Variants in ANKS1B observed in about 807,000 individuals in gnomAD.
The protein encoded by ANKS1B is ankyrin repeat and sterile alpha motif domain containing 1B.
In ANKS1B, 36 loss-of-function variants were observed where a neutral mutation model predicts 148.3. The observed-to-expected ratio is 0.24, with a 90% CI of 0.19 to 0.32. The LOEUF (loss-of-function observed/expected upper bound fraction) is 0.32, where lower values mean the gene tolerates loss of function less well. Ranked by LOEUF, ANKS1B falls within the 10% of genes least tolerant of loss-of-function variation. The probability of loss-of-function intolerance (pLI) is 1.00; values close to 1 mark genes in which losing one functional copy is unlikely to be tolerated. For missense variants in ANKS1B, 1,157 were observed against 1,542.6 expected, an observed-to-expected ratio of 0.75 and a Z score of 4.19; for synonymous variants, 542 against 560.8, an observed-to-expected ratio of 0.97 and a Z score of 0.47.
intron 15 of ANKS1B, among the ~76,000 whole-genome samples, chr12:99,147,467 GA>G (rs2073529056): frequency 1.3e-5 from 2 of 152,112 alleles, no homozygotes; most frequent in South Asian, 4.1e-4. Context: ...AAGGATTTTA[GA>G]AATGCCCTAT....
At position 99,859,829 on chromosome 12, in the gene ANKS1B, G is replaced by A. The variant is rs530892690; in HGVS notation, c.135-34440C>T. On this transcript the variant is annotated intron_variant, in intron 1 of 26. Transcript: ENST00000683438. The stretch of plus-strand genomic sequence containing the variant: ...GCCTGGCTAATTTTTATATGTTTTA[G>A]TAGATACAGGGTTTCATCATGTTGG... Among the ~76,000 whole-genome samples, 192 of 152,150 alleles carry A rather than the reference G, an allele frequency of 1.3e-3. 3 individuals carry two copies. Among genetic ancestry groups the A allele is most frequent in the African/African-American group, 4.4e-3 (181 of 41,530 alleles).
chr12:99,677,956 G>T (rs1020455476), intron 8 of ANKS1B, among the ~76,000 whole-genome samples: 2 of 152,148 alleles, frequency 1.3e-5, no homozygotes, highest in African/African-American at 4.8e-5. Flanking sequence ...ATGGACAACA[G>T]AGCAAGACTC....
At chr12:99,945,948 C>A (rs2095050092) in intron 1 of ANKS1B, among the ~76,000 whole-genome samples, 1 of 152,146 alleles carries the variant, frequency 6.6e-6, no homozygotes, top group African/African-American at 2.4e-5. Context: ...CCTGCCATGG[C>A]AATCACTTGT....
intron 17 of ANKS1B, among the ~76,000 whole-genome samples, chr12:98,999,555 C>T (rs892417948): frequency 1.3e-5 from 2 of 152,156 alleles, no homozygotes; most frequent in East Asian, 3.9e-4. Context: ...AAATACCAAA[C>T]TTTAGTAAAC....
intron 25 of ANKS1B, among the ~76,000 whole-genome samples, chr12:98,764,619 T>G (rs761693593): frequency 1.3e-5 from 2 of 152,254 alleles, no homozygotes; most frequent in African/African-American, 4.8e-5. Flanking sequence ...CTTTCTCAAA[T>G]GGATATGCCT....
chr12:99,388,515 C>T (rs1593713431), intron 12 of ANKS1B, among the ~76,000 whole-genome samples: 1 of 152,152 alleles, frequency 6.6e-6, no homozygotes. Context: ...GAGGGACAGA[C>T]ACTCTCTTTC....
chr12:99,812,558 C>CACAG (rs1491407773), intron 2 of ANKS1B, among the ~76,000 whole-genome samples: 40 of 73,710 alleles, frequency 5.4e-4, no homozygotes, highest in South Asian at 1.2e-3. Context: ...CACACACACA[C>CACAG]AGAGAGAGAG....
chr12:99,599,082 G>A (rs147338785), intron 9 of ANKS1B, among the ~76,000 whole-genome samples: 301 of 151,880 alleles, frequency 2.0e-3, no homozygotes, highest in African/African-American at 6.9e-3. Flanking sequence ...ATCTCCCTCT[G>A]TCTCCTTCTT....
intron 8 of ANKS1B, among the ~76,000 whole-genome samples, chr12:99,739,378 T>TAA (rs201318107): frequency 8.6e-6 from 1 of 115,894 alleles, no homozygotes; most frequent in Non-Finnish European, 1.8e-5. Context: ...TACTCAAAGC[T>TAA]AAAAAAAAAC....
chr12:99,648,029 C>T, intron 9 of ANKS1B: 1 of 1,126,646 alleles, frequency 8.9e-7, no homozygotes, highest in Non-Finnish European at 1.2e-6. Context: ...TCCCTGTTCT[C>T]AGTCACTTGG....
At chr12:99,908,446 G>T (rs1565975740) in intron 1 of ANKS1B, among the ~76,000 whole-genome samples, 1 of 152,084 alleles carries the variant, frequency 6.6e-6, no homozygotes, top group Non-Finnish European at 1.5e-5. Flanking sequence ...CAGGCGTGGT[G>T]ATGTGCACCC....
At chr12:99,687,849 T>A (rs151009457) in intron 8 of ANKS1B, among the ~76,000 whole-genome samples, 5 of 152,340 alleles carry the variant, frequency 3.3e-5, no homozygotes, top group African/African-American at 1.2e-4. Flanking sequence ...AGGTTATGGC[T>A]TCTTTACACA....
At chr12:99,526,933 T>C (rs1229911253) in intron 9 of ANKS1B, among the ~76,000 whole-genome samples, 1 of 152,142 alleles carries the variant, frequency 6.6e-6, no homozygotes, top group Non-Finnish European at 1.5e-5. Context: ...AGTGTCGTTA[T>C]AAAAAGAAGA....
At chr12:99,849,814 G>T (rs545853756) in intron 1 of ANKS1B, among the ~76,000 whole-genome samples, 283 of 152,190 alleles carry the variant, frequency 1.9e-3, no homozygotes, top group Non-Finnish European at 3.0e-3. Flanking sequence ...CCCTTCTGGG[G>T]GATAGTAACT....
In ANKS1B at chr12:99,806,696, T is replaced by C. The variant is rs188120653; in HGVS notation, c.377A>G (p.Asn126Ser). ...ACAGTGTAGGGCAGTTTCATTTTCATTGTTCTAAGACAAAGATTTTTAAAA... is the reference window on the plus strand; with the variant it reads ...ACAGTGTAGGGCAGTTTCATTTTCACTGTTCTAAGACAAAGATTTTTAAAA... ...PSHSRVNEQN[N>S]ENETALHCAA... The change falls in exon 4 of 27, where the codon AAT becomes AGT. Residue 126 changes from asparagine to serine, a missense_variant. Asn to Ser is a conservative substitution (Grantham distance 46, BLOSUM62 1). Coordinates refer to ENST00000683438, the MANE Select transcript of ANKS1B (RefSeq NM_001352186.2). The C allele has an allele frequency of 4.1e-4, 657 of 1,608,322 alleles. 5 individuals carry two copies. The Admixed American group carries it at 9.1e-3, about 22-fold the overall frequency.
At chr12:99,403,183 C>CG (rs1293930044) in intron 11 of ANKS1B, among the ~76,000 whole-genome samples, 1 of 85,306 alleles carries the variant, frequency 1.2e-5, no homozygotes, top group East Asian at 3.5e-4. Context: ...TTTTTTGAGA[C>CG]GGAGTCTCTA....
intron 12 of ANKS1B, among the ~76,000 whole-genome samples, chr12:99,293,103 A>G (rs903206079): frequency 2.0e-5 from 3 of 152,162 alleles, no homozygotes; most frequent in Non-Finnish European, 4.4e-5. Flanking sequence ...AACCAACCCC[A>G]ATGTCCATCA....
intron 17 of ANKS1B, among the ~76,000 whole-genome samples, chr12:98,871,125 C>A (rs993120507): frequency 2.0e-5 from 3 of 152,166 alleles, no homozygotes; most frequent in Non-Finnish European, 1.5e-5. Context: ...ACATTTTAAC[C>A]TCTTCCTCAT....
intron 17 of ANKS1B, among the ~76,000 whole-genome samples, chr12:98,898,589 TCTGTGATGCACC>T (rs1468132774): frequency 6.6e-6 from 1 of 152,150 alleles, no homozygotes; most frequent in Non-Finnish European, 1.5e-5. Context: ...TTATCATGAT[TCTGTGATGCACC>T]AGGATATTGA....
Sources: gnomAD v4.1 joint callset for allele counts (sites outside exome capture counted in the v4.1 genomes callset) on GRCh38, gnomAD v4.1.1 for gene constraint, MANE v1.5 for transcripts, NCBI Gene and HGNC (gene_info 2026-07-23, HGNC 2026-07-21) for gene names.